Variants in BSDC1 observed in about 807,000 individuals in gnomAD.
BSDC1 encodes BSD domain-containing protein 1.
Under a neutral mutation model 56.0 loss-of-function variants are expected in BSDC1, and 29 were observed. The ratio of observed to expected loss-of-function variants is 0.52; its 90% CI spans 0.39 to 0.71. The LOEUF (loss-of-function observed/expected upper bound fraction) is 0.71. Among genes scored for constraint, BSDC1 ranks in the 30% least tolerant of loss-of-function variants. The pLI is 0.00. For missense variants in BSDC1, 477 were observed against 548.5 expected, an observed-to-expected ratio of 0.87 and a Z score of 1.30; for synonymous variants, 210 against 215.3, an observed-to-expected ratio of 0.98 and a Z score of 0.21.
chr1:32,371,810 CTG>C (rs1642101300), intron 9 of BSDC1, among the ~76,000 whole-genome samples: 1 of 152,156 alleles, frequency 6.6e-6, no homozygotes, highest in South Asian at 2.1e-4. Context: ...AGCATGGTCT[CTG>C]GGGCCAGGCA....
chr1:32,373,828 T>C (rs1229721584), intron 9 of BSDC1, among the ~76,000 whole-genome samples: 1 of 152,180 alleles, frequency 6.6e-6, no homozygotes, highest in Non-Finnish European at 1.5e-5. Flanking sequence ...CAGCGGACTT[T>C]CTTCTTTTCA....
At chr1:32,367,702 A>C (rs1337248174) in intron 10 of BSDC1, 1 of 983,602 alleles carries the variant, frequency 1.0e-6, no homozygotes, top group South Asian at 4.7e-5. Flanking sequence ...GAGGTAGTGA[A>C]GAATAACAGT....
In BSDC1 at chr1:32,366,627, C is replaced by T. The variant is rs2148103591; in HGVS notation, c.1288G>A (p.Glu430Lys). The change falls in exon 11 of 11, where the codon GAG becomes AAG. Residue 430 changes from glutamate to lysine, a missense_variant. Physicochemically the swap from Glu to Lys is moderately conservative, Grantham distance 56 (BLOSUM62 1). Coordinates refer to ENST00000455895, the MANE Select transcript of BSDC1 (RefSeq NM_018045.8). ...ELEDVEWEDWE is the reference protein window; with the variant it reads ...ELEDVEWEDWK ...AGCTGCTCCCTCTGGCTCCCTCACT[C>T]CCAGTCCTCCCACTCTACATCTTCC... The T allele has an allele frequency of 1.3e-6, 2 of 1,490,434 alleles. No individual in the cohort carries two copies. The highest frequency in any genetic ancestry group is 1.8e-6 in the Non-Finnish European group (2 of 1,116,288). 92.3% of individuals were successfully genotyped at this position (1,490,434 alleles called of 1,614,324 possible). A position where few individuals can be genotyped will look rare whatever the true frequency, so the allele number is the denominator to read the frequency against.
intron 3 of BSDC1, 112 bp from the exon 4 acceptor site, chr1:32,384,109 GCGCTCACGACCCTTCACCCGTCT>G: frequency 6.8e-7 from 1 of 1,473,834 alleles, no homozygotes; most frequent in Non-Finnish European, 9.3e-7. Context: ...GACCAGGGAA[GCGCTCACGACCCTTCACCCGTCT>G]CTGGGGCTGC....
chr1:32,368,658 CAA>C, intron 9 of BSDC1, 108 bp from the exon 10 acceptor site: 1 of 1,450,800 alleles, frequency 6.9e-7, no homozygotes, highest in Non-Finnish European at 9.3e-7. Context: ...CACAAATACA[CAA>C]GTCTTTACAT....
intron 9 of BSDC1, among the ~76,000 whole-genome samples, chr1:32,368,935 A>G (rs897960445): frequency 3.9e-5 from 6 of 152,194 alleles, no homozygotes; most frequent in South Asian, 4.2e-4. Flanking sequence ...CCTGACCTCA[A>G]TGATCTGGCC....
In BSDC1 at chr1:32,376,445, C is replaced by T. The variant is rs1642287909; in HGVS notation, c.973G>A (p.Glu325Lys). 6.2e-7 allele frequency: 1 copy of T among 1,613,098 alleles called. No homozygotes were observed. Among genetic ancestry groups the T allele is most frequent in the African/African-American group, 1.3e-5 (1 of 74,936 alleles). Residue 325 changes from glutamate (E) to lysine (K), a missense_variant, in exon 9 of 11, where the codon GAG (glutamate) becomes AAG (lysine). By Grantham distance (56) the Glu-to-Lys change is moderately conservative. Coordinates refer to ENST00000455895, the MANE Select transcript of BSDC1 (RefSeq NM_018045.8). Reference sequence around the variant, plus strand: ...TGAATAGGGGGTGAGGGTCCAGTCTCACCCACATCCACAGCCAGGCCCTGT... The same window carrying T: ...TGAATAGGGGGTGAGGGTCCAGTCTTACCCACATCCACAGCCAGGCCCTGT... ...EEQGLAVDVG[E>K]TGPSPPIHSK...
chr1:32,382,042 C>T (rs1642494021), intron 4 of BSDC1, among the ~76,000 whole-genome samples: 2 of 152,018 alleles, frequency 1.3e-5, no homozygotes, highest in Non-Finnish European at 2.9e-5. Context: ...GCCTGGCCAA[C>T]ATGGTGAAAC....
In BSDC1 at chr1:32,376,355, C is replaced by T; in HGVS notation, c.1063G>A (p.Glu355Lys). The change falls in exon 9 of 11, where the codon GAG becomes AAG. Residue 355 changes from glutamate to lysine, a missense_variant. By Grantham distance (56) the Glu-to-Lys change is moderately conservative. Coordinates refer to ENST00000455895, the MANE Select transcript of BSDC1 (RefSeq NM_018045.8). ...GTGGGCGCCTCCTCCCTCAGAGTCT[C>T]TACTCTGGCTGGAGGCCTGGGCTCT... ...GPEPRPPARVETLREEAPTDL... is the reference protein window; with the variant it reads ...GPEPRPPARVKTLREEAPTDL... The T allele has an allele frequency of 6.2e-7, 1 of 1,612,990 alleles. No individual in the cohort carries two copies. The highest frequency in any genetic ancestry group is 1.7e-5 in the Admixed American group (1 of 59,954).
chr1:32,375,093 AG>A, intron 9 of BSDC1, among the ~76,000 whole-genome samples: 1 of 152,102 alleles, frequency 6.6e-6, no homozygotes, highest in Non-Finnish European at 1.5e-5. Context: ...CGGAGGTTGC[AG>A]TGAGCCGAGA....
intron 4 of BSDC1, among the ~76,000 whole-genome samples, chr1:32,382,588 C>T (rs1642519297): frequency 1.3e-5 from 2 of 150,964 alleles, no homozygotes; most frequent in South Asian, 4.2e-4. Context: ...TGGCCAGGCG[C>T]GGTGGCTTAC....
chr1:32,385,412 T>A (rs1642629149), intron 3 of BSDC1, among the ~76,000 whole-genome samples: 1 of 152,086 alleles, frequency 6.6e-6, no homozygotes, highest in Non-Finnish European at 1.5e-5. Context: ...TGTGCATGTA[T>A]CCCCTGAATC....
intron 10 of BSDC1, chr1:32,367,243 T>G: frequency 1.0e-6 from 1 of 985,476 alleles, no homozygotes; most frequent in Non-Finnish European, 1.2e-6. Context: ...TTGTTCCTAC[T>G]CTTGGCCTGC....
Position 32,368,534 on chromosome 1 carries a change from G to T in BSDC1, c.1173C>A (p.Ile391=), listed in dbSNP as rs1265360583. Residue 391 remains isoleucine (I), a synonymous_variant, in exon 10 of 11, where the codon ATC becomes ATA. Coordinates refer to ENST00000455895, the MANE Select transcript of BSDC1 (RefSeq NM_018045.8). ...NNGKKGSSTD[I]SEDWEKDFDL... ...CAAAGTCTTTCTCCCAGTCCTCACT[G>T]ATGTCCGTGCTTGAGCCTGGAACCA... 1 of 1,614,140 alleles carries T rather than the reference G, an allele frequency of 6.2e-7. No individual in the cohort carries two copies. The highest frequency in any genetic ancestry group is 1.7e-5 in the Admixed American group (1 of 60,010).
chr1:32,392,796 G>A, intron 2 of BSDC1, among the ~76,000 whole-genome samples: 1 of 152,234 alleles, frequency 6.6e-6, no homozygotes, highest in Non-Finnish European at 1.5e-5. Flanking sequence ...GGGTGTGGTG[G>A]CTCACGCCTA....
intron 2 of BSDC1, 111 bp from the exon 3 acceptor site, chr1:32,387,006 G>A (rs74064101): frequency 0.015 from 11,787 of 798,720 alleles, 310 homozygotes; most frequent in African/African-American, 0.094. Flanking sequence ...CCAGCGGCAG[G>A]GGAGCTTCGG....
chr1:32,393,586 C>T (rs1238572223), intron 2 of BSDC1: 1 of 155,006 alleles, frequency 6.5e-6, no homozygotes, highest in Non-Finnish European at 1.4e-5. Context: ...TGTTTGGCTA[C>T]TCGGTTAATG....
intron 10 of BSDC1, 113 bp from the exon 11 acceptor site, chr1:32,366,767 C>A (rs1053218330): frequency 7.0e-7 from 1 of 1,432,524 alleles, no homozygotes; most frequent in Admixed American, 3.0e-5. Context: ...TACCCCAGGC[C>A]ATACTCTGAG....
rs554970703 is a variant in BSDC1 at position 32,379,520 on chromosome 1, CA to C, written c.413-682del. ...TTTTCCTTCCCATCTGGTTATCTGA[CA>C]GGGTTATCCAACCTGGGGGCCATCC... On this transcript the variant is annotated intron_variant, in intron 5 of 10. Coordinates refer to ENST00000455895, the MANE Select transcript of BSDC1 (RefSeq NM_018045.8). Among the ~76,000 whole-genome samples, 37 of 152,118 alleles carry C rather than the reference CA, an allele frequency of 2.4e-4. No individual in the cohort carries two copies. In the South Asian group the frequency reaches 7.5e-3, roughly 31 times the overall value.
Sources: gnomAD v4.1 joint callset for allele counts (sites outside exome capture counted in the v4.1 genomes callset) on GRCh38, gnomAD v4.1.1 for gene constraint, MANE v1.5 for transcripts, NCBI Gene and HGNC (gene_info 2026-07-23, HGNC 2026-07-21) for gene names.